FRK: variants seen among roughly 807,000 people sequenced by gnomAD.
FRK encodes the protein tyrosine-protein kinase FRK.
Under a neutral mutation model 56.4 loss-of-function variants are expected in FRK, and 51 were observed. The observed-to-expected ratio is 0.90, with a 90% CI of 0.72 to 1.14. The LOEUF is 1.14. Ranked by LOEUF, FRK falls within the 50% of genes most tolerant of loss-of-function variation. FRK has a pLI of 0.00. For synonymous variants in FRK, 245 were observed against 217.9 expected (o/e 1.12, Z -1.10); for missense variants, 570 against 601.4 (o/e 0.95, Z 0.55).
At chr6:116,096,233 C>T in the FRK span, among the ~76,000 whole-genome samples, 4 of 152,178 alleles carry the variant, frequency 2.6e-5, no homozygotes, top group Non-Finnish European at 4.4e-5. Flanking sequence ...CCCTTCTTTG[C>T]CCCTATCCCA....
chr6:115,997,954 C>A (rs1774907052), intron 2 of FRK, among the ~76,000 whole-genome samples: 1 of 152,226 alleles, frequency 6.6e-6, no homozygotes, highest in African/African-American at 2.4e-5. Flanking sequence ...AGGTGCTGGG[C>A]TTTCCAAAGA....
At chr6:116,024,682 C>T (rs368290699) in intron 1 of FRK, among the ~76,000 whole-genome samples, 1,716 of 152,054 alleles carry the variant, frequency 0.011, 25 homozygotes, top group African/African-American at 0.035. Context: ...ACATTTGGGT[C>T]GGTTCCAAGT....
chr6:115,954,283 G>C (rs1316185907), intron 5 of FRK, among the ~76,000 whole-genome samples: 1 of 152,182 alleles, frequency 6.6e-6, no homozygotes, highest in Non-Finnish European at 1.5e-5. Context: ...AGGGAATAGA[G>C]AGCCAGGCCA....
intron 1 of FRK, among the ~76,000 whole-genome samples, chr6:116,026,249 G>T (rs973616246): frequency 6.6e-6 from 1 of 151,962 alleles, no homozygotes. Flanking sequence ...TTTTTAAAAG[G>T]AAAGACTCTA....
At chr6:115,990,695 G>T (rs1024674621) in intron 2 of FRK, among the ~76,000 whole-genome samples, 1 of 151,858 alleles carries the variant, frequency 6.6e-6, no homozygotes, top group Non-Finnish European at 1.5e-5. Context: ...GTAGCATGAA[G>T]TTGGGTAATG....
At position 115,968,758 on chromosome 6, in the gene FRK, C is replaced by T. The variant is rs1366668026; in HGVS notation, c.467-19G>A. 5.0e-6 allele frequency: 8 copies of T among 1,604,948 alleles called. No individual in the cohort carries two copies. Among genetic ancestry groups the T allele is most frequent in the African/African-American group, 1.3e-5 (1 of 74,560 alleles). ...TCTAAAACTGGAACCCAAAATAATT[C>T]CTGTTAATAAACTTCTTGCTAAAAC... On this transcript the variant is annotated intron_variant, in intron 2 of 7. Transcript: ENST00000606080.
At chr6:116,096,931 C>G in the FRK span, among the ~76,000 whole-genome samples, 1 of 152,208 alleles carries the variant, frequency 6.6e-6, no homozygotes, top group Non-Finnish European at 1.5e-5. Context: ...CAAGAACCCC[C>G]TGGAAGGAAC....
At chr6:115,976,531 G>A (rs1773997384) in intron 2 of FRK, among the ~76,000 whole-genome samples, 1 of 152,112 alleles carries the variant, frequency 6.6e-6, no homozygotes, top group African/African-American at 2.4e-5. Context: ...GGTTGATTGT[G>A]CAGATTTTTG....
At chr6:116,039,138 A>C in intron 1 of FRK, 2 of 923,830 alleles carry the variant, frequency 2.2e-6, no homozygotes, top group Non-Finnish European at 3.6e-6. Flanking sequence ...TGCACTGGGG[A>C]GAAGCTAGCT....
At chr6:116,022,986 T>C (rs1184777920) in intron 1 of FRK, among the ~76,000 whole-genome samples, 1 of 152,094 alleles carries the variant, frequency 6.6e-6, no homozygotes, top group Non-Finnish European at 1.5e-5. Context: ...AATTTTTAAA[T>C]GGGCAGAAGA....
At chr6:115,946,932 T>A (rs1426639048) in intron 5 of FRK, among the ~76,000 whole-genome samples, 1 of 152,104 alleles carries the variant, frequency 6.6e-6, no homozygotes, top group Non-Finnish European at 1.5e-5. Context: ...GCAGTTTGAC[T>A]GGAGATCAGG....
In FRK at chr6:115,942,337, G is replaced by T; in HGVS notation, c.*77C>A. 1.7e-6 allele frequency: 2 copies of T among 1,196,754 alleles called. No homozygotes were observed. Among genetic ancestry groups the T allele is most frequent in the African/African-American group, 1.5e-5 (1 of 66,908 alleles). The allele number at this position is 1,196,754 out of a possible 1,614,324, so 74.1% of individuals were successfully genotyped here. On this transcript the variant is annotated 3_prime_UTR_variant, in exon 8 of 8. Transcript: ENST00000606080. ...TCAGGATAAACTGATTGTGCAGTTG[G>T]TTGATAACATTGTATTTTGGAATGG...
the FRK span, among the ~76,000 whole-genome samples, chr6:116,082,409 T>C: frequency 1.3e-5 from 2 of 152,026 alleles, no homozygotes; most frequent in East Asian, 1.9e-4. Flanking sequence ...AGGGTAGAAG[T>C]AGGAGGACCA....
intron 1 of FRK, among the ~76,000 whole-genome samples, chr6:116,028,704 C>G (rs997032835): frequency 6.6e-6 from 1 of 152,086 alleles, no homozygotes; most frequent in East Asian, 1.9e-4. Context: ...TATATAAGTA[C>G]ATATTAGGGC....
chr6:115,947,482 T>C (rs760231109), intron 5 of FRK, among the ~76,000 whole-genome samples: 4 of 152,098 alleles, frequency 2.6e-5, no homozygotes, highest in Admixed American at 1.3e-4. Context: ...ACATTTTCCA[T>C]CTTCCCTTAG....
the FRK span, among the ~76,000 whole-genome samples, chr6:116,081,968 A>T: frequency 6.6e-6 from 1 of 152,186 alleles, no homozygotes; most frequent in Non-Finnish European, 1.5e-5. Flanking sequence ...CTCTATTAGA[A>T]GATGGTTAAG....
At chr6:115,979,053 CAAA>C (rs111820717) in intron 2 of FRK, among the ~76,000 whole-genome samples, 2 of 116,268 alleles carry the variant, frequency 1.7e-5, no homozygotes, top group African/African-American at 3.1e-5. Flanking sequence ...GACTCTGTCT[CAAA>C]AAAAAAAAAA....
chr6:115,985,550 C>T (rs568719373), intron 2 of FRK, among the ~76,000 whole-genome samples: 1 of 152,168 alleles, frequency 6.6e-6, no homozygotes, highest in Non-Finnish European at 1.5e-5. Context: ...AGTCAGATAG[C>T]CTGGCTATAA....
chr6:115,943,222 AAT>A, intron 6 of FRK, 37 bp from the exon 7 acceptor site: 1 of 1,480,552 alleles, frequency 6.8e-7, no homozygotes, highest in Admixed American at 2.6e-5. Context: ...GAGTTAAAGC[AAT>A]TTTTTTTTTT....
Sources: gnomAD v4.1 joint callset for allele counts (sites outside exome capture counted in the v4.1 genomes callset) on GRCh38, gnomAD v4.1.1 for gene constraint, MANE v1.5 for transcripts, NCBI Gene and HGNC (gene_info 2026-07-23, HGNC 2026-07-21) for gene names.